SASH1: variants seen among roughly 807,000 people sequenced by gnomAD.
SASH1 encodes the protein SAM and SH3 domain containing 1.
A neutral mutation model predicts 125.2 loss-of-function variants in SASH1; 44 were observed. The ratio of observed to expected loss-of-function variants is 0.35; its 90% CI spans 0.28 to 0.45. The LOEUF is 0.45. SASH1 is among the 20% of genes least tolerant of loss of function. SASH1 has a pLI of 1.00. For missense variants in SASH1, 1,426 were observed against 1,614.5 expected (o/e 0.88, Z 2.00); for synonymous variants, 639 against 649.1 (o/e 0.98, Z 0.24).
intron 8 of SASH1, 41 bp from the exon 9 acceptor site, chr6:148,514,283 A>G: frequency 6.3e-7 from 1 of 1,588,272 alleles, no homozygotes; most frequent in Non-Finnish European, 8.5e-7. Flanking sequence ...CAAAGCTCGG[A>G]GCAATTACCT....
the SASH1 span, among the ~76,000 whole-genome samples, chr6:148,244,158 C>T: frequency 6.6e-6 from 1 of 152,180 alleles, no homozygotes; most frequent in African/African-American, 2.4e-5. Flanking sequence ...CAGCACTTGA[C>T]CATCTTCCCC....
At chr6:148,365,653 C>T (rs1192851971) in intron 1 of SASH1, among the ~76,000 whole-genome samples, 1 of 151,982 alleles carries the variant, frequency 6.6e-6, no homozygotes, top group Non-Finnish European at 1.5e-5. Context: ...GGAGCTTTAA[C>T]TGAAGGAGAG....
intron 1 of SASH1, among the ~76,000 whole-genome samples, chr6:148,310,273 G>A (rs978298592): frequency 6.6e-6 from 1 of 152,122 alleles, no homozygotes; most frequent in African/African-American, 2.4e-5. Context: ...AGTAAGCCAA[G>A]ATTGCGACAC....
Position 148,307,080 on chromosome 6 carries a change from CTTTCTTTCTT to C in SASH1, n.74+34705_74+34714del, listed in dbSNP as rs1328929314. On this transcript the variant is annotated intron_variant and non_coding_transcript_variant, in intron 1 of 3. Coordinates refer to the SASH1 transcript ENST00000367469. ...TCTTTCTTTCTTTCTTTCTTTCTTT[CTTTCTTTCTT>C]TCTTTCTCTCTCTCTGTCTCTTTCT... Among the ~76,000 whole-genome samples the C allele has an allele frequency of 2.6e-3, 372 of 145,234 alleles. 3 individuals carry two copies. The highest frequency in any genetic ancestry group is 9.6e-3 in the African/African-American group (364 of 38,020).
At chr6:148,539,557 G>A (rs1005690706) in intron 16 of SASH1, among the ~76,000 whole-genome samples, 3 of 152,114 alleles carry the variant, frequency 2.0e-5, no homozygotes, top group African/African-American at 7.2e-5. Flanking sequence ...TGGCCAAGTA[G>A]TACTCCATGG....
intron 1 of SASH1, among the ~76,000 whole-genome samples, chr6:148,318,813 A>C (rs1262641068): frequency 6.6e-6 from 1 of 151,918 alleles, no homozygotes; most frequent in South Asian, 2.1e-4. Flanking sequence ...AGCCTCCCAA[A>C]GTGCTGGGAT....
chr6:148,501,195 T>C (rs1353566051), intron 8 of SASH1, among the ~76,000 whole-genome samples: 1 of 152,150 alleles, frequency 6.6e-6, no homozygotes, highest in Non-Finnish European at 1.5e-5. Flanking sequence ...TTCTCTGTAT[T>C]TCTACATTGC....
intron 7 of SASH1, among the ~76,000 whole-genome samples, chr6:148,486,552 T>C (rs946624488): frequency 6.6e-6 from 1 of 152,094 alleles, no homozygotes; most frequent in Non-Finnish European, 1.5e-5. Flanking sequence ...CCCCATCACG[T>C]TTGTTAGGTG....
intron 16 of SASH1, among the ~76,000 whole-genome samples, chr6:148,540,043 A>G (rs1380012536): frequency 6.6e-6 from 1 of 152,096 alleles, no homozygotes; most frequent in Non-Finnish European, 1.5e-5. Flanking sequence ...ATATGACCTA[A>G]TCTCACCTTG....
At chr6:148,483,688 T>G (rs1362708222) in intron 7 of SASH1, among the ~76,000 whole-genome samples, 1 of 152,180 alleles carries the variant, frequency 6.6e-6, no homozygotes, top group African/African-American at 2.4e-5. Flanking sequence ...CATCTAGATA[T>G]CTTTGTGGAG....
the SASH1 span, among the ~76,000 whole-genome samples, chr6:148,195,195 T>A: frequency 1.3e-5 from 2 of 152,238 alleles, no homozygotes; most frequent in African/African-American, 4.8e-5. Context: ...TAGGTTTTTT[T>A]AAATGTCTTT....
At chr6:148,258,571 A>G in the SASH1 span, among the ~76,000 whole-genome samples, 8 of 152,286 alleles carry the variant, frequency 5.3e-5, no homozygotes, top group African/African-American at 1.9e-4. Flanking sequence ...ATGTTCTGAG[A>G]TTACCTTACT....
the SASH1 span, among the ~76,000 whole-genome samples, chr6:148,227,710 A>C: frequency 6.6e-6 from 1 of 152,192 alleles, no homozygotes; most frequent in Non-Finnish European, 1.5e-5. Flanking sequence ...GAATGTTGTA[A>C]TCCCTCTCCA....
chr6:148,234,572 TGCCA>T, the SASH1 span, among the ~76,000 whole-genome samples: 2 of 152,056 alleles, frequency 1.3e-5, no homozygotes, highest in African/African-American at 4.8e-5. Context: ...ACACCTGTAA[TGCCA>T]GCACTTTGGG....
chr6:148,413,486 G>A (rs938499986), intron 2 of SASH1, among the ~76,000 whole-genome samples: 30 of 152,178 alleles, frequency 2.0e-4, no homozygotes, highest in African/African-American at 7.2e-4. Flanking sequence ...AGGAGAATGT[G>A]CGGGAAAGAT....
At chr6:148,368,413 G>A (rs2114734894) in intron 1 of SASH1, among the ~76,000 whole-genome samples, 1 of 152,288 alleles carries the variant, frequency 6.6e-6, no homozygotes, top group South Asian at 2.1e-4. Context: ...TGGGATTACA[G>A]GCGCAAGCCA....
At chr6:148,391,492 T>TTATTTATG (rs1424014751) in intron 2 of SASH1, among the ~76,000 whole-genome samples, 4 of 151,940 alleles carry the variant, frequency 2.6e-5, no homozygotes, top group African/African-American at 4.8e-5. Context: ...AACTTCTTCC[T>TTATTTATG]TTATTACTTA....
At chr6:148,272,466 G>A in intron 1 of SASH1, 2 of 437,912 alleles carry the variant, frequency 4.6e-6, no homozygotes, top group Non-Finnish European at 4.9e-6. Flanking sequence ...GACTATTGTG[G>A]GAAACAGGTA....
chr6:148,215,356 T>C, the SASH1 span, among the ~76,000 whole-genome samples: 1 of 152,224 alleles, frequency 6.6e-6, no homozygotes, highest in Admixed American at 6.5e-5. Flanking sequence ...CTTAGTTTCT[T>C]GTGAAACTTA....
Sources: gnomAD v4.1 joint callset for allele counts (sites outside exome capture counted in the v4.1 genomes callset) on GRCh38, gnomAD v4.1.1 for gene constraint, MANE v1.5 for transcripts, NCBI Gene and HGNC (gene_info 2026-07-23, HGNC 2026-07-21) for gene names.